The following CNTNAP2 variants were observed in gnomAD, a reference collection of about 807,000 sequenced individuals.
The protein encoded by CNTNAP2 is contactin associated protein 2.
A neutral mutation model predicts 155.2 loss-of-function variants in CNTNAP2; 98 were observed. The ratio of observed to expected loss-of-function variants is 0.63; its 90% CI spans 0.54 to 0.75. The LOEUF (loss-of-function observed/expected upper bound fraction) is 0.75, where lower values mean the gene tolerates loss of function less well. Among genes scored for constraint, CNTNAP2 ranks in the 30% least tolerant of loss-of-function variants. The probability of loss-of-function intolerance (pLI) is 0.00; values close to 1 mark genes in which losing one functional copy is unlikely to be tolerated. For synonymous variants in CNTNAP2, 651 were observed against 631.2 expected, an observed-to-expected ratio of 1.03 and a Z score of -0.47; for missense variants, 1,727 against 1,688.1, an observed-to-expected ratio of 1.02 and a Z score of -0.40.
In CNTNAP2 at chr7:146,483,310, T is replaced by A. The variant is rs201117717; in HGVS notation, c.98-290961T>A. ...ATATATATATATATATATATATATA[T>A]ATATATATATATATATATACATATA... On this transcript the variant is annotated intron_variant, in intron 1 of 23. Transcript: ENST00000361727. Among the ~76,000 whole-genome samples the A allele has an allele frequency of 8.2e-4, 74 of 90,470 alleles. 1 individual carries two copies. Among genetic ancestry groups the A allele is most frequent in the African/African-American group, 3.2e-3 (63 of 19,760 alleles). The allele number at this position is 90,470 out of a possible 152,430, so 59.4% of individuals were successfully genotyped here.
chr7:146,117,639 G>A (rs1797505320), intron 1 of CNTNAP2, among the ~76,000 whole-genome samples: 1 of 151,988 alleles, frequency 6.6e-6, no homozygotes, highest in South Asian at 2.1e-4. Flanking sequence ...TTCTTAATAG[G>A]GTTTTCAGGA....
intron 3 of CNTNAP2, among the ~76,000 whole-genome samples, chr7:146,844,114 A>G (rs1021320602): frequency 2.6e-5 from 4 of 152,050 alleles, no homozygotes; most frequent in African/African-American, 9.7e-5. Context: ...TTATTTTATC[A>G]CTGTTGGATA....
At chr7:148,315,582 A>T (rs1343734763) in intron 21 of CNTNAP2, among the ~76,000 whole-genome samples, 1 of 152,224 alleles carries the variant, frequency 6.6e-6, no homozygotes, top group African/African-American at 2.4e-5. Flanking sequence ...GGTCACAGGA[A>T]ATGATGGCTT....
chr7:147,993,694 C>T (rs1801754538), intron 15 of CNTNAP2, among the ~76,000 whole-genome samples: 2 of 152,176 alleles, frequency 1.3e-5, no homozygotes, highest in Admixed American at 1.3e-4. Context: ...AGTATTAAAC[C>T]CGACTTTGTC....
chr7:146,388,965 G>T (rs901550589), intron 1 of CNTNAP2, among the ~76,000 whole-genome samples: 5 of 152,116 alleles, frequency 3.3e-5, no homozygotes, highest in African/African-American at 9.7e-5. Flanking sequence ...GGAAAGAAAA[G>T]TCACATAGCA....
At chr7:147,556,136 G>C (rs989097457) in intron 11 of CNTNAP2, among the ~76,000 whole-genome samples, 1 of 152,076 alleles carries the variant, frequency 6.6e-6, no homozygotes, top group Non-Finnish European at 1.5e-5. Flanking sequence ...AACCTTCAAG[G>C]CTATGTGGAC....
At chr7:148,350,251 T>C (rs1223776850) in intron 21 of CNTNAP2, among the ~76,000 whole-genome samples, 1 of 152,196 alleles carries the variant, frequency 6.6e-6, no homozygotes, top group African/African-American at 2.4e-5. Context: ...CAATTTATGG[T>C]TGAAACTGAC....
chr7:147,492,078 G>A (rs976325903), intron 11 of CNTNAP2, among the ~76,000 whole-genome samples: 1 of 152,176 alleles, frequency 6.6e-6, no homozygotes, highest in African/African-American at 2.4e-5. Context: ...CAACGTTTTT[G>A]GCACCAGGGG....
chr7:147,311,804 T>C (rs966747460), intron 9 of CNTNAP2, among the ~76,000 whole-genome samples: 1 of 152,168 alleles, frequency 6.6e-6, no homozygotes, highest in African/African-American at 2.4e-5. Context: ...ATACTTACTT[T>C]TTTGAACTGC....
intron 2 of CNTNAP2, among the ~76,000 whole-genome samples, chr7:146,790,568 AT>A (rs11435256): frequency 2.9e-3 from 400 of 137,648 alleles, no homozygotes; most frequent in South Asian, 6.3e-3. Flanking sequence ...TTGGTCAGTG[AT>A]TTTTTTTTTT....
At chr7:146,575,420 GA>G (rs1158297054) in intron 1 of CNTNAP2, among the ~76,000 whole-genome samples, 1 of 152,096 alleles carries the variant, frequency 6.6e-6, no homozygotes, top group African/African-American at 2.4e-5. Context: ...CAGCCTAGAG[GA>G]ATTTTTTAAA....
intron 11 of CNTNAP2, among the ~76,000 whole-genome samples, chr7:147,503,675 TC>T (rs1328157272): frequency 7.2e-6 from 1 of 138,130 alleles, no homozygotes; most frequent in East Asian, 2.2e-4. Flanking sequence ...TAAACGGATT[TC>T]TCTTTTGTAA....
intron 2 of CNTNAP2, among the ~76,000 whole-genome samples, chr7:146,825,649 CA>C (rs1218910330): frequency 3.3e-5 from 5 of 152,020 alleles, no homozygotes; most frequent in Non-Finnish European, 7.4e-5. Context: ...ACCAAGTGTA[CA>C]AATATGAAAA....
At chr7:147,877,235 T>A (rs573796733) in intron 13 of CNTNAP2, among the ~76,000 whole-genome samples, 4 of 152,298 alleles carry the variant, frequency 2.6e-5, no homozygotes. Flanking sequence ...AGCTGTTACC[T>A]CAGTCTGGCT....
chr7:146,533,321 T>C (rs534802752), intron 1 of CNTNAP2, among the ~76,000 whole-genome samples: 1 of 152,186 alleles, frequency 6.6e-6, no homozygotes, highest in Admixed American at 6.5e-5. Context: ...TAGGCTAATG[T>C]CTATTTGTGG....
At chr7:146,959,218 C>A (rs1797503435) in intron 3 of CNTNAP2, among the ~76,000 whole-genome samples, 1 of 151,926 alleles carries the variant, frequency 6.6e-6, no homozygotes, top group African/African-American at 2.4e-5. Flanking sequence ...CAGCGTTTCA[C>A]CATATTGGCC....
chr7:146,523,181 G>A (rs184663979), intron 1 of CNTNAP2, among the ~76,000 whole-genome samples: 95 of 151,910 alleles, frequency 6.3e-4, no homozygotes, highest in African/African-American at 2.2e-3. Flanking sequence ...AAGTCCATTG[G>A]TTCATTCTTA....
chr7:146,380,489 C>T (rs1795365664), intron 1 of CNTNAP2, among the ~76,000 whole-genome samples: 1 of 152,018 alleles, frequency 6.6e-6, no homozygotes, highest in African/African-American at 2.4e-5. Context: ...GGTTTTGTCT[C>T]TTCATTATTC....
chr7:147,207,205 A>G (rs900041779), intron 8 of CNTNAP2, among the ~76,000 whole-genome samples: 1 of 152,164 alleles, frequency 6.6e-6, no homozygotes, highest in African/African-American at 2.4e-5. Flanking sequence ...GGAAAATATA[A>G]ATGTGTATGG....
Sources: gnomAD v4.1 joint callset for allele counts (sites outside exome capture counted in the v4.1 genomes callset) on GRCh38, gnomAD v4.1.1 for gene constraint, MANE v1.5 for transcripts, NCBI Gene and HGNC (gene_info 2026-07-23, HGNC 2026-07-21) for gene names.